The following COL13A1 variants were observed in gnomAD, a reference collection of about 807,000 sequenced individuals.
COL13A1 encodes the protein collagen type XIII alpha 1 chain.
A neutral mutation model predicts 130.9 loss-of-function variants in COL13A1; 89 were observed. The observed-to-expected ratio is 0.68, with a 90% CI of 0.57 to 0.81. The LOEUF (loss-of-function observed/expected upper bound fraction) is 0.81. Ranked by LOEUF, COL13A1 falls within the 30% of genes least tolerant of loss-of-function variation. The pLI, the probability that COL13A1 is intolerant of heterozygous loss-of-function variation, is 0.00. For synonymous variants in COL13A1, 402 were observed against 341.6 expected (o/e 1.18, Z -1.95); for missense variants, 879 against 934.6 (o/e 0.94, Z 0.78).
intron 2 of COL13A1, among the ~76,000 whole-genome samples, chr10:69,841,810 A>T (rs1249671658): frequency 6.6e-6 from 1 of 152,218 alleles, no homozygotes; most frequent in Admixed American, 6.5e-5. Flanking sequence ...GGGAACAGCA[A>T]GGGCAGAGAC....
At chr10:69,890,571 C>T (rs1049926201) in intron 10 of COL13A1, among the ~76,000 whole-genome samples, 6 of 152,238 alleles carry the variant, frequency 3.9e-5, no homozygotes, top group African/African-American at 1.4e-4. Flanking sequence ...GTGAAGACAA[C>T]CCTTGACCCA....
At chr10:69,821,276 C>T (rs1273043374) in intron 1 of COL13A1, among the ~76,000 whole-genome samples, 4 of 152,182 alleles carry the variant, frequency 2.6e-5, no homozygotes, top group Non-Finnish European at 5.9e-5. Context: ...ACTGTGGGAA[C>T]CAAATAAAAT....
At chr10:69,934,529 G>C (rs953059118) in intron 31 of COL13A1, among the ~76,000 whole-genome samples, 1 of 152,228 alleles carries the variant, frequency 6.6e-6, no homozygotes, top group Admixed American at 6.5e-5. Flanking sequence ...TCTACCCCTG[G>C]GAAGACGAGG....
chr10:69,877,686 C>CTG (rs2059714246), intron 5 of COL13A1: 2 of 112,992 alleles, frequency 1.8e-5, no homozygotes, highest in African/African-American at 8.7e-5. Context: ...CTCTCTCTCT[C>CTG]TCTCTCTCTC....
chr10:69,939,690 C>T (rs1289728613), intron 34 of COL13A1, among the ~76,000 whole-genome samples: 5 of 152,226 alleles, frequency 3.3e-5, no homozygotes, highest in African/African-American at 4.8e-5. Flanking sequence ...ACCATCACCC[C>T]GGGCTTCACT....
chr10:69,844,697 A>C (rs2704483), intron 2 of COL13A1, among the ~76,000 whole-genome samples: 122,612 of 152,148 alleles, frequency 0.81, 49,985 homozygotes, highest in South Asian at 0.93. Context: ...TGTTGGCTGA[A>C]GTGTTTGAGT....
intron 27 of COL13A1, 110 bp downstream of exon 27, chr10:69,927,220 G>A: frequency 6.6e-7 from 1 of 1,525,188 alleles, no homozygotes; most frequent in South Asian, 1.1e-5. Context: ...GTACTGGGCT[G>A]CAGATTAGGG....
At chr10:69,907,127 C>G (rs2135270004) in intron 17 of COL13A1, among the ~76,000 whole-genome samples, 1 of 152,322 alleles carries the variant, frequency 6.6e-6, no homozygotes, top group Admixed American at 6.5e-5. Context: ...GACCCAGAAG[C>G]AGTCATTATA....
Position 69,905,709 on chromosome 10 carries a change from G to C in COL13A1, c.886-78G>C. 3 of 1,499,394 alleles carry C rather than the reference G, an allele frequency of 2.0e-6. No individual in the cohort carries two copies. In the South Asian group the frequency reaches 3.5e-5, roughly 18 times the overall value. 92.9% of individuals were successfully genotyped at this position (1,499,394 alleles called of 1,614,324 possible). On this transcript the variant is annotated intron_variant, in intron 16 of 40. Transcript: ENST00000645393. The stretch of plus-strand genomic sequence containing the variant: ...GGAGTCATCGAGAGGAAGAGGGATG[G>C]TATTGTGTGGGGAACAGCACAAGTC...
chr10:69,867,868 GT>G (rs968244860), intron 3 of COL13A1, 63 bp downstream of exon 3: 34 of 717,386 alleles, frequency 4.7e-5, no homozygotes, highest in African/African-American at 4.2e-4. Context: ...TGGTAACGGG[GT>G]TCTGGGTGGG....
intron 2 of COL13A1, among the ~76,000 whole-genome samples, chr10:69,833,644 C>A (rs555936384): frequency 4.1e-4 from 62 of 152,252 alleles, no homozygotes; most frequent in African/African-American, 1.3e-3. Context: ...TTGAAGGAAT[C>A]CCTGAATGGC....
chr10:69,868,317 G>A (rs1589178659), intron 3 of COL13A1, among the ~76,000 whole-genome samples: 5 of 151,196 alleles, frequency 3.3e-5, no homozygotes, highest in South Asian at 4.2e-4. Context: ...TGGTGGCGGC[G>A]GCAATGGTTA....
chr10:69,905,216 G>A (rs2062628963), intron 16 of COL13A1, among the ~76,000 whole-genome samples: 2 of 152,196 alleles, frequency 1.3e-5, no homozygotes, highest in South Asian at 4.1e-4. Context: ...CACCCTCTAA[G>A]GAGTATAGCG....
At chr10:69,862,115 A>C (rs1444085393) in intron 2 of COL13A1, among the ~76,000 whole-genome samples, 1 of 152,184 alleles carries the variant, frequency 6.6e-6, no homozygotes, top group African/African-American at 2.4e-5. Flanking sequence ...CTCTTGCAAG[A>C]CTGCACAAGT....
At chr10:69,825,488 G>C (rs956901793) in intron 2 of COL13A1, among the ~76,000 whole-genome samples, 4 of 152,186 alleles carry the variant, frequency 2.6e-5, no homozygotes, top group African/African-American at 9.7e-5. Flanking sequence ...CATTGCTGAT[G>C]ACTGGCTGCT....
intron 6 of COL13A1, 99 bp from the exon 7 acceptor site, chr10:69,880,404 C>A: frequency 1.3e-6 from 1 of 759,486 alleles, no homozygotes; most frequent in South Asian, 1.5e-5. Context: ...TGCTCCTGGC[C>A]CCCTGCCAGC....
chr10:69,870,184 TA>T (rs1183693831), intron 3 of COL13A1, among the ~76,000 whole-genome samples: 5 of 143,028 alleles, frequency 3.5e-5, no homozygotes, highest in African/African-American at 5.1e-5. Context: ...TGTATATATA[TA>T]TTTTTTTTAC....
intron 17 of COL13A1, among the ~76,000 whole-genome samples, chr10:69,910,341 C>T (rs1192572485): frequency 6.6e-6 from 1 of 152,014 alleles, no homozygotes; most frequent in Non-Finnish European, 1.5e-5. Flanking sequence ...ATGTGACTGC[C>T]TCTTGAGGTC....
intron 35 of COL13A1, among the ~76,000 whole-genome samples, chr10:69,943,267 T>C (rs1180056098): frequency 3.9e-5 from 6 of 152,182 alleles, no homozygotes; most frequent in Admixed American, 3.9e-4. Context: ...AAGTAAGTCA[T>C]GCCCCGCCAT....
Sources: gnomAD v4.1 joint callset for allele counts (sites outside exome capture counted in the v4.1 genomes callset) on GRCh38, gnomAD v4.1.1 for gene constraint, MANE v1.5 for transcripts, NCBI Gene and HGNC (gene_info 2026-07-23, HGNC 2026-07-21) for gene names.